The following PLBD1 variants were observed in gnomAD, a reference collection of about 807,000 sequenced individuals.
PLBD1 encodes the protein lysosomal leucine aminopeptidase.
A neutral mutation model predicts 63.0 loss-of-function variants in PLBD1; 60 were observed. That is an observed-to-expected ratio of 0.95 (90% CI 0.77 to 1.18). The LOEUF (loss-of-function observed/expected upper bound fraction) is 1.18. Ranked by LOEUF, PLBD1 falls within the 50% of genes most tolerant of loss-of-function variation. The probability of loss-of-function intolerance (pLI) is 0.00; values close to 1 mark genes in which losing one functional copy is unlikely to be tolerated. For missense variants in PLBD1, 598 were observed against 677.9 expected (o/e 0.88, Z 1.31); for synonymous variants, 262 against 248.0 (o/e 1.06, Z -0.53).
At chr12:14,563,756 C>T (rs1945760677) in intron 1 of PLBD1, among the ~76,000 whole-genome samples, 1 of 144,332 alleles carries the variant, frequency 6.9e-6, no homozygotes, top group Non-Finnish European at 1.5e-5. Context: ...AAATAACTGA[C>T]TAAAGGTCAC....
chr12:14,517,342 C>T (rs1189920849), intron 6 of PLBD1, among the ~76,000 whole-genome samples: 1 of 152,036 alleles, frequency 6.6e-6, no homozygotes, highest in Non-Finnish European at 1.5e-5. Context: ...AGACGGGGGT[C>T]TTGCTATGTT....
chr12:14,506,095 G>A, intron 10 of PLBD1, 67 bp downstream of exon 10: 1 of 1,077,786 alleles, frequency 9.3e-7, no homozygotes, highest in Non-Finnish European at 1.3e-6. Flanking sequence ...AAAAACCTGT[G>A]CAACTTTGCC....
intron 1 of PLBD1, among the ~76,000 whole-genome samples, chr12:14,562,459 C>CAAAAA (rs58838197): frequency 1.1e-4 from 11 of 102,028 alleles, no homozygotes; most frequent in African/African-American, 4.1e-4. Context: ...GACTCCCTCT[C>CAAAAA]AAAAAAAAAA....
chr12:14,563,702 T>C (rs948289202), intron 1 of PLBD1, among the ~76,000 whole-genome samples: 36 of 152,288 alleles, frequency 2.4e-4, no homozygotes, highest in African/African-American at 8.4e-4. Context: ...GAGACACTTA[T>C]AATACCCATC....
chr12:14,543,446 C>T (rs1322019288), intron 2 of PLBD1, among the ~76,000 whole-genome samples: 4 of 152,122 alleles, frequency 2.6e-5, no homozygotes, highest in East Asian at 1.9e-4. Flanking sequence ...AGGCCGAGCA[C>T]GATGGTTCAC....
intron 1 of PLBD1, among the ~76,000 whole-genome samples, chr12:14,557,104 T>C (rs140099370): frequency 2.7e-4 from 39 of 146,116 alleles, no homozygotes; most frequent in African/African-American, 9.8e-4. Context: ...AAAATGCAAA[T>C]CAAAACCACA....
chr12:14,532,224 A>C (rs1945471099), intron 6 of PLBD1, among the ~76,000 whole-genome samples: 2 of 152,130 alleles, frequency 1.3e-5, no homozygotes, highest in South Asian at 4.1e-4. Context: ...AGGAAGTCAC[A>C]TCACCAACTG....
chr12:14,506,522 A>G (rs1467889152), intron 9 of PLBD1, among the ~76,000 whole-genome samples: 1 of 152,234 alleles, frequency 6.6e-6, no homozygotes, highest in African/African-American at 2.4e-5. Flanking sequence ...AACCAGATAA[A>G]CGTCCATCAG....
chr12:14,526,484 T>C (rs1945416356), intron 6 of PLBD1, among the ~76,000 whole-genome samples: 1 of 152,228 alleles, frequency 6.6e-6, no homozygotes, highest in African/African-American at 2.4e-5. Context: ...TAAATTTCCC[T>C]TAATTTGCAA....
intron 1 of PLBD1, among the ~76,000 whole-genome samples, chr12:14,559,923 C>T (rs1314545540): frequency 2.0e-5 from 3 of 151,188 alleles, no homozygotes; most frequent in Admixed American, 1.3e-4. Context: ...TGCAATGGTG[C>T]GATCTTGGCT....
At chr12:14,567,514 G>T in intron 1 of PLBD1, 68 bp downstream of exon 1, 1 of 1,409,628 alleles carries the variant, frequency 7.1e-7, no homozygotes, top group Non-Finnish European at 9.2e-7. Context: ...CCGGACGCGG[G>T]GCACGGGCGC....
chr12:14,540,037 T>TAC (rs1945556558), intron 4 of PLBD1, among the ~76,000 whole-genome samples: 1 of 78,410 alleles, frequency 1.3e-5, no homozygotes, highest in East Asian at 5.1e-4. Flanking sequence ...TATATATATA[T>TAC]ATATATATAT....
intron 8 of PLBD1, among the ~76,000 whole-genome samples, chr12:14,508,138 G>T (rs1945270509): frequency 1.3e-5 from 2 of 152,196 alleles, no homozygotes; most frequent in African/African-American, 4.8e-5. Flanking sequence ...TGAAATTAAA[G>T]AAGAAAAACA....
rs751921226 is a variant in PLBD1, at chr12:14,506,922, A to G, written c.1372+11T>C. On this transcript the variant is annotated intron_variant, in intron 9 of 10. Transcript: ENST00000240617. ...TTTTGAAGAATGATTCTTGAGAAATATGCTACGTACTGTTGTATCGCATGA... is the reference window on the plus strand; with the variant it reads ...TTTTGAAGAATGATTCTTGAGAAATGTGCTACGTACTGTTGTATCGCATGA... 21 of 1,604,988 alleles carry G rather than the reference A, an allele frequency of 1.3e-5. No homozygotes were observed. Among genetic ancestry groups the G allele is most frequent in the Non-Finnish European group, 1.8e-5 (21 of 1,173,088 alleles).
intron 8 of PLBD1, among the ~76,000 whole-genome samples, chr12:14,510,009 T>A (rs559730089): frequency 1.3e-5 from 2 of 152,274 alleles, no homozygotes; most frequent in Admixed American, 6.5e-5. Context: ...AGAACAACCA[T>A]GGAGTGCATG....
At chr12:14,517,865 T>C (rs1292004380) in intron 6 of PLBD1, among the ~76,000 whole-genome samples, 1 of 152,232 alleles carries the variant, frequency 6.6e-6, no homozygotes, top group African/African-American at 2.4e-5. Flanking sequence ...TAGGTTTTTA[T>C]GAACATTAAA....
intron 4 of PLBD1, among the ~76,000 whole-genome samples, chr12:14,538,810 G>A (rs1945541275): frequency 6.6e-6 from 1 of 152,156 alleles, no homozygotes; most frequent in African/African-American, 2.4e-5. Context: ...TGAATCACCT[G>A]AGGTCAGGAG....
intron 6 of PLBD1, among the ~76,000 whole-genome samples, chr12:14,525,974 T>C (rs1565573851): frequency 7.0e-6 from 1 of 143,064 alleles, no homozygotes. Flanking sequence ...ACAACAATTT[T>C]AAAAATGCAA....
intron 1 of PLBD1, among the ~76,000 whole-genome samples, chr12:14,561,365 C>G (rs1000669382): frequency 1.3e-5 from 2 of 151,912 alleles, no homozygotes; most frequent in African/African-American, 4.8e-5. Context: ...CAACTTTGCC[C>G]CATTCTGGTT....
Sources: allele counts gnomAD v4.1 joint callset (sites outside exome capture counted in the v4.1 genomes callset), GRCh38; gene constraint gnomAD v4.1.1; transcripts MANE v1.5; gene names NCBI Gene and HGNC (gene_info 2026-07-23, HGNC 2026-07-21).